TRPM3: variants seen among roughly 807,000 people sequenced by gnomAD.
The protein encoded by TRPM3 is long transient receptor potential channel 3.
TRPM3 carries 77 observed loss-of-function variants against 181.2 expected under a neutral mutation model. That is an observed-to-expected ratio of 0.42 (90% CI 0.35 to 0.51). The LOEUF is 0.51. Among genes scored for constraint, TRPM3 ranks in the 20% least tolerant of loss-of-function variants. The pLI is 0.01. For synonymous variants in TRPM3, 745 were observed against 796.4 expected, an observed-to-expected ratio of 0.94 and a Z score of 1.09; for missense variants, 1,759 against 2,196.7, an observed-to-expected ratio of 0.80 and a Z score of 3.98.
intron 4 of TRPM3, among the ~76,000 whole-genome samples, chr9:70,846,081 G>A (rs921428539): frequency 1.2e-4 from 18 of 152,156 alleles, no homozygotes; most frequent in Admixed American, 2.0e-4. Flanking sequence ...AAGAATTATT[G>A]GCAACTTGAG....
chr9:71,367,484 T>G (rs1464693427), intron 1 of TRPM3, among the ~76,000 whole-genome samples: 1 of 152,150 alleles, frequency 6.6e-6, no homozygotes, highest in Non-Finnish European at 1.5e-5. Context: ...GTTTGTGCAG[T>G]TTTTTTCTTT....
intron 1 of TRPM3, among the ~76,000 whole-genome samples, chr9:71,018,865 A>G (rs1401789319): frequency 6.6e-6 from 1 of 151,938 alleles, no homozygotes; most frequent in East Asian, 1.9e-4. Context: ...CCAATATCTT[A>G]AAATCTTAGG....
chr9:70,783,830 A>G, intron 7 of TRPM3: 1 of 1,081,966 alleles, frequency 9.2e-7, no homozygotes, highest in Non-Finnish European at 1.1e-6. Flanking sequence ...TACGAAGAGA[A>G]GAAAAAGGAG....
At chr9:71,331,875 A>G in intron 1 of TRPM3, among the ~76,000 whole-genome samples, 2 of 36,108 alleles carry the variant, frequency 5.5e-5, no homozygotes, top group Non-Finnish European at 1.2e-4. Context: ...GAGGAGGAAG[A>G]AAGAGGAGGA....
intron 6 of TRPM3, among the ~76,000 whole-genome samples, chr9:70,804,556 C>A (rs1308044397): frequency 6.6e-6 from 1 of 152,018 alleles, no homozygotes; most frequent in Non-Finnish European, 1.5e-5. Context: ...CTATTTTCTC[C>A]CCTTCAGTGC....
At chr9:70,842,502 AT>A (rs2094742657) in intron 5 of TRPM3, among the ~76,000 whole-genome samples, 1 of 152,124 alleles carries the variant, frequency 6.6e-6, no homozygotes, top group South Asian at 2.1e-4. Flanking sequence ...TTTAAAAAAA[AT>A]TTTTGTGGCT....
chr9:71,231,740 G>A (rs966073405), intron 1 of TRPM3, among the ~76,000 whole-genome samples: 5 of 152,068 alleles, frequency 3.3e-5, no homozygotes, highest in Admixed American at 6.6e-5. Context: ...GGGTCAACAC[G>A]GACATTAACA....
intron 6 of TRPM3, among the ~76,000 whole-genome samples, chr9:70,818,282 C>T (rs888866193): frequency 2.0e-5 from 3 of 152,104 alleles, no homozygotes; most frequent in African/African-American, 4.8e-5. Flanking sequence ...TTATATTAGC[C>T]CCCTGGCCTA....
At chr9:70,810,767 G>C (rs539112) in intron 6 of TRPM3, among the ~76,000 whole-genome samples, 151,930 of 152,314 alleles carry the variant, frequency 1, 75,777 homozygotes, top group Middle Eastern at 1. Context: ...ACCCAGCTGT[G>C]CCACTAATTG....
chr9:70,565,556 G>C (rs891188258), intron 22 of TRPM3, among the ~76,000 whole-genome samples: 1 of 151,382 alleles, frequency 6.6e-6, no homozygotes, highest in South Asian at 2.1e-4. Context: ...GCCTCCCAAA[G>C]TGCTGGGATT....
chr9:71,113,314 C>T (rs537178883), intron 1 of TRPM3, among the ~76,000 whole-genome samples: 43 of 152,120 alleles, frequency 2.8e-4, no homozygotes, highest in Non-Finnish European at 5.4e-4. Context: ...TGGCTAATTA[C>T]ATAAGGATGG....
At chr9:70,908,404 C>A (rs766924570) in intron 1 of TRPM3, among the ~76,000 whole-genome samples, 2 of 152,148 alleles carry the variant, frequency 1.3e-5, no homozygotes, top group Non-Finnish European at 2.9e-5. Context: ...CTGCAACAAC[C>A]AAATGAGCTG....
chr9:71,220,100 A>G (rs945868375), intron 1 of TRPM3, among the ~76,000 whole-genome samples: 15 of 152,298 alleles, frequency 9.8e-5, no homozygotes, highest in African/African-American at 3.4e-4. Flanking sequence ...GGTGAACTGT[A>G]TAATAAAATG....
chr9:71,337,066 C>T (rs535679369), intron 1 of TRPM3, among the ~76,000 whole-genome samples: 6 of 152,116 alleles, frequency 3.9e-5, no homozygotes, highest in South Asian at 2.1e-4. Context: ...GACTAAAACA[C>T]GAAAAGCAAT....
At position 70,766,910 on chromosome 9, in the gene TRPM3, T is replaced by C. The variant is rs1181174708; in HGVS notation, c.1149-5186A>G. On this transcript the variant is annotated intron_variant, in intron 7 of 25. Transcript: ENST00000677713. Reference sequence around the variant, plus strand: ...TGTTCTATTTTTCATATATGTAAAATGGGAACTATAATAGTACTTATCTCA... The same window carrying C: ...TGTTCTATTTTTCATATATGTAAAACGGGAACTATAATAGTACTTATCTCA... 2.0e-5 allele frequency among the ~76,000 whole-genome samples: 3 copies of C among 152,228 alleles called. No individual in the cohort carries two copies. The East Asian group carries it at 5.8e-4, about 29-fold the overall frequency.
chr9:71,026,159 C>A (rs1227951451), intron 1 of TRPM3, among the ~76,000 whole-genome samples: 1 of 152,126 alleles, frequency 6.6e-6, no homozygotes, highest in Non-Finnish European at 1.5e-5. Flanking sequence ...GCCAGGAGTG[C>A]CCATTCCCTT....
chr9:71,063,137 T>C (rs2061514359), intron 1 of TRPM3, among the ~76,000 whole-genome samples: 1 of 152,056 alleles, frequency 6.6e-6, no homozygotes, highest in Non-Finnish European at 1.5e-5. Context: ...GGTCACATCA[T>C]CAAAGCAATC....
At position 70,770,386 on chromosome 9, in the gene TRPM3, G is replaced by C. The variant is rs191019670; in HGVS notation, c.1149-8662C>G. Among the ~76,000 whole-genome samples, 722 of 152,282 alleles carry C rather than the reference G, an allele frequency of 4.7e-3. 4 individuals carry two copies. Among genetic ancestry groups the C allele is most frequent in the African/African-American group, 0.017 (700 of 41,580 alleles). On this transcript the variant is annotated intron_variant, in intron 7 of 25. Coordinates refer to ENST00000677713, the MANE Select transcript of TRPM3 (RefSeq NM_001366145.2). ...CCATAGAAGTTCTCAATAGCTGTTT[G>C]GGGATGTTAAGAGTTTCAATGATAT...
chr9:71,446,850 C>G, upstream of TRPM3: 1 of 1,531,940 alleles, frequency 6.5e-7, no homozygotes, highest in Non-Finnish European at 8.8e-7. Context: ...AGTTCGCCTC[C>G]CTCGGCCGGG....
Sources: gnomAD v4.1 joint callset for allele counts (sites outside exome capture counted in the v4.1 genomes callset) on GRCh38, gnomAD v4.1.1 for gene constraint, MANE v1.5 for transcripts, NCBI Gene and HGNC (gene_info 2026-07-23, HGNC 2026-07-21) for gene names.